The following ATP11B variants were observed in gnomAD, a reference collection of about 807,000 sequenced individuals.
The protein encoded by ATP11B is ATPase phospholipid transporting 11B (putative), also known as phospholipid-transporting ATPase IF.
In ATP11B, 81 loss-of-function variants were observed where a neutral mutation model predicts 157.8. That is an observed-to-expected ratio of 0.51 (90% CI 0.43 to 0.62). The LOEUF is 0.62. ATP11B is among the 20% of genes least tolerant of loss of function. The pLI, the probability that ATP11B is intolerant of heterozygous loss-of-function variation, is 0.00. For synonymous variants in ATP11B, 451 were observed against 469.4 expected (o/e 0.96, Z 0.51); for missense variants, 1,165 against 1,402.2 (o/e 0.83, Z 2.70).
chr3:182,867,757 T>C (rs1016464893), intron 15 of ATP11B, among the ~76,000 whole-genome samples: 1 of 152,056 alleles, frequency 6.6e-6, no homozygotes, highest in Admixed American at 6.6e-5. Flanking sequence ...CTAATTTTTG[T>C]ATTTTTAGTG....
intron 12 of ATP11B, among the ~76,000 whole-genome samples, chr3:182,860,878 A>G (rs1055862131): frequency 6.6e-6 from 1 of 152,138 alleles, no homozygotes; most frequent in African/African-American, 2.4e-5. Context: ...TATTAATGAC[A>G]GTCAATTGAA....
chr3:182,872,598 A>G, intron 18 of ATP11B, 61 bp downstream of exon 18: 1 of 1,336,188 alleles, frequency 7.5e-7, no homozygotes, highest in Non-Finnish European at 1.0e-6. Context: ...GTAACCAAGT[A>G]TTCTAATATG....
intron 1 of ATP11B, among the ~76,000 whole-genome samples, chr3:182,806,176 G>C (rs1716319345): frequency 6.6e-6 from 1 of 152,148 alleles, no homozygotes; most frequent in South Asian, 2.1e-4. Context: ...CTACGTATTG[G>C]AGATACTACT....
chr3:182,856,567 G>T (rs1341011679), intron 10 of ATP11B, among the ~76,000 whole-genome samples: 1 of 152,168 alleles, frequency 6.6e-6, no homozygotes, highest in Non-Finnish European at 1.5e-5. Context: ...GCTCTATGGG[G>T]CTTTAGACCA....
intron 1 of ATP11B, among the ~76,000 whole-genome samples, chr3:182,816,813 A>G (rs1361601784): frequency 6.6e-6 from 1 of 152,236 alleles, no homozygotes; most frequent in Non-Finnish European, 1.5e-5. Flanking sequence ...TCACAGAACT[A>G]AAGCCCATTT....
intron 28 of ATP11B, 54 bp downstream of exon 28, chr3:182,898,826 A>AT (rs752868403): frequency 5.5e-5 from 65 of 1,190,956 alleles, no homozygotes; most frequent in Admixed American, 8.6e-5. Flanking sequence ...ATCTTTAATA[A>AT]TGAATAGCTG....
intron 21 of ATP11B, 91 bp downstream of exon 21, chr3:182,881,072 T>A: frequency 2.1e-6 from 2 of 942,818 alleles, no homozygotes; most frequent in Non-Finnish European, 3.2e-6. Flanking sequence ...TAGATTAAAG[T>A]ACAGTATCAA....
chr3:182,807,201 A>T (rs1010787852), intron 1 of ATP11B, among the ~76,000 whole-genome samples: 3 of 152,214 alleles, frequency 2.0e-5, no homozygotes, highest in Non-Finnish European at 4.4e-5. Flanking sequence ...AATTAGCCAT[A>T]GTAGGGAGAA....
intron 10 of ATP11B, among the ~76,000 whole-genome samples, chr3:182,848,884 C>T (rs1013002592): frequency 6.6e-6 from 1 of 152,046 alleles, no homozygotes; most frequent in African/African-American, 2.4e-5. Flanking sequence ...AAACCAGAAT[C>T]GAATAGAAAT....
chr3:182,882,886 G>T (rs1366456295), intron 21 of ATP11B, among the ~76,000 whole-genome samples: 1 of 152,132 alleles, frequency 6.6e-6, no homozygotes, highest in East Asian at 1.9e-4. Flanking sequence ...GCAATCGATT[G>T]TTATGAAAGG....
intron 1 of ATP11B, among the ~76,000 whole-genome samples, chr3:182,807,501 G>A (rs1467412406): frequency 2.6e-5 from 4 of 152,242 alleles, no homozygotes; most frequent in South Asian, 4.1e-4. Context: ...TTTAAACAGC[G>A]TGGCAAATTA....
chr3:182,895,439 T>C (rs1009665909), intron 25 of ATP11B, among the ~76,000 whole-genome samples: 6 of 152,188 alleles, frequency 3.9e-5, no homozygotes, highest in Admixed American at 2.0e-4. Flanking sequence ...CCAATTCTTA[T>C]AGAAAACTGC....
At chr3:182,875,604 G>A (rs1450598350) in intron 19 of ATP11B, among the ~76,000 whole-genome samples, 1 of 152,164 alleles carries the variant, frequency 6.6e-6, no homozygotes, top group African/African-American at 2.4e-5. Flanking sequence ...ACCGTGCCCA[G>A]CTAATTTTGT....
intron 1 of ATP11B, among the ~76,000 whole-genome samples, chr3:182,798,581 C>T (rs371108044): frequency 1.3e-5 from 2 of 152,206 alleles, no homozygotes; most frequent in East Asian, 3.8e-4. Flanking sequence ...TTAGAGGAAA[C>T]TCAGGTATTC....
intron 18 of ATP11B, among the ~76,000 whole-genome samples, chr3:182,873,563 A>G (rs1444409111): frequency 6.6e-6 from 1 of 152,222 alleles, no homozygotes; most frequent in Non-Finnish European, 1.5e-5. Flanking sequence ...AACTTTGAAG[A>G]TACATTCTTA....
intron 12 of ATP11B, among the ~76,000 whole-genome samples, chr3:182,864,452 T>C (rs748786390): frequency 1.3e-5 from 2 of 152,136 alleles, no homozygotes; most frequent in Non-Finnish European, 2.9e-5. Context: ...TGAACGCCTT[T>C]ATCATGAAGG....
At chr3:182,827,703 T>C (rs1046541582) in intron 2 of ATP11B, among the ~76,000 whole-genome samples, 2 of 151,920 alleles carry the variant, frequency 1.3e-5, no homozygotes, top group Admixed American at 1.3e-4. Context: ...TTTCTGATGC[T>C]AAACTAACTA....
At chr3:182,822,592 C>G (rs1717436651) in intron 2 of ATP11B, among the ~76,000 whole-genome samples, 2 of 152,128 alleles carry the variant, frequency 1.3e-5, no homozygotes, top group African/African-American at 4.8e-5. Context: ...GTGCATGTGT[C>G]TTTATATTAG....
chr3:182,894,587 A>ACCCTC (rs1723400220), intron 25 of ATP11B, among the ~76,000 whole-genome samples: 1 of 152,216 alleles, frequency 6.6e-6, no homozygotes, highest in Admixed American at 6.5e-5. Flanking sequence ...AGCAGTCTTA[A>ACCCTC]CCAGTTGATT....
Sources: gnomAD v4.1 joint callset for allele counts (sites outside exome capture counted in the v4.1 genomes callset) on GRCh38, gnomAD v4.1.1 for gene constraint, MANE v1.5 for transcripts, NCBI Gene and HGNC (gene_info 2026-07-23, HGNC 2026-07-21) for gene names.